The following PREX1 variants were observed in gnomAD, a reference collection of about 807,000 sequenced individuals.
PREX1 encodes phosphatidylinositol 3,4,5-trisphosphate-dependent Rac exchanger 1 protein.
A neutral mutation model predicts 198.3 loss-of-function variants in PREX1; 41 were observed. The observed-to-expected ratio is 0.21, with a 90% CI of 0.16 to 0.27. PREX1 has a LOEUF of 0.27. Ranked by LOEUF, PREX1 falls within the 10% of genes least tolerant of loss-of-function variation. The probability of loss-of-function intolerance (pLI) is 1.00; values close to 1 mark genes in which losing one functional copy is unlikely to be tolerated. For missense variants in PREX1, 1,620 were observed against 2,200.7 expected, an observed-to-expected ratio of 0.74 and a Z score of 5.28; for synonymous variants, 843 against 887.2, an observed-to-expected ratio of 0.95 and a Z score of 0.89.
At chr20:48,630,694 A>G (rs2089306805) in intron 36 of PREX1, 34 bp downstream of exon 36, 3 of 1,534,796 alleles carry the variant, frequency 2.0e-6, no homozygotes, top group Non-Finnish European at 2.7e-6. Flanking sequence ...CACCCTGCCC[A>G]AGCTCCCTGC....
intron 5 of PREX1, among the ~76,000 whole-genome samples, chr20:48,718,109 C>G (rs1260975865): frequency 6.6e-6 from 1 of 152,222 alleles, no homozygotes; most frequent in Non-Finnish European, 1.5e-5. Flanking sequence ...TCACTCGTTT[C>G]CTGCACGTGC....
chr20:48,631,456 G>T (rs557314951), intron 35 of PREX1, among the ~76,000 whole-genome samples: 1 of 152,164 alleles, frequency 6.6e-6, no homozygotes, highest in Non-Finnish European at 1.5e-5. Context: ...TGCCCGGCCC[G>T]CAGAAGGCCT....
intron 1 of PREX1, among the ~76,000 whole-genome samples, chr20:48,749,487 A>G (rs2122788383): frequency 6.6e-6 from 1 of 152,262 alleles, no homozygotes; most frequent in South Asian, 2.1e-4. Flanking sequence ...GATGGCGGGG[A>G]CAGCCCAAGA....
the PREX1 span, among the ~76,000 whole-genome samples, chr20:48,834,088 C>CA: frequency 0.035 from 4,462 of 129,138 alleles, 202 homozygotes; most frequent in African/African-American, 0.11. Context: ...GACTCAGTCT[C>CA]AAAAAAAAAA....
At position 48,676,179 on chromosome 20, in the gene PREX1, G is replaced by A. The variant is rs201564133; in HGVS notation, c.1665+14C>T. On this transcript the variant is annotated intron_variant, in intron 14 of 39. Transcript: ENST00000371941. ...AGCAGAACACTGGTCACACACCCCT[G>A]AGGAGGCCCTCACCTGAGCCAGCAG... is the stretch of plus-strand genomic sequence containing the variant. The A allele has an allele frequency of 5.3e-4, 854 of 1,611,476 alleles. 7 individuals carry two copies. Among genetic ancestry groups the A allele is most frequent in the Middle Eastern group, 1.6e-4 (1 of 6,078 alleles).
Position 48,625,778 on chromosome 20 carries a change from C to A in PREX1, c.*107G>T. On this transcript the variant is annotated 3_prime_UTR_variant, in exon 40 of 40. Coordinates refer to ENST00000371941, the MANE Select transcript of PREX1 (RefSeq NM_020820.4). ...GACGCTGGGCAGGTCCCGGAACGGG[C>A]GGCTGCGGAAGCCTTGGGCCATCCC... The A allele has an allele frequency of 7.7e-7, 1 of 1,298,538 alleles. No homozygotes were observed. Among genetic ancestry groups the A allele is most frequent in the East Asian group, 2.9e-5 (1 of 33,980 alleles). The allele number at this position is 1,298,538 out of a possible 1,614,324, so 80.4% of individuals were successfully genotyped here. A position where few individuals can be genotyped will look rare whatever the true frequency, so the allele number is the denominator to read the frequency against.
At position 48,784,480 on chromosome 20, in the gene PREX1, C is replaced by T. The variant is rs189423777; in HGVS notation, c.220-36600G>A. 5.6e-4 allele frequency among the ~76,000 whole-genome samples: 86 copies of T among 152,256 alleles called. No individual in the cohort carries two copies. The Middle Eastern group carries it at 0.014, about 24-fold the overall frequency. ...GAAGGACTCATCTAGACTCTACCCC[C>T]GCCACCCCACATTCTCAATATTGCT... On this transcript the variant is annotated intron_variant, in intron 1 of 39. Coordinates refer to ENST00000371941, the MANE Select transcript of PREX1 (RefSeq NM_020820.4).
intron 9 of PREX1, among the ~76,000 whole-genome samples, chr20:48,689,012 T>C (rs972895096): frequency 2.6e-5 from 4 of 152,146 alleles, no homozygotes; most frequent in Non-Finnish European, 5.9e-5. Context: ...AAAACAACCA[T>C]TTTACAGATG....
chr20:48,645,088 A>G (rs1205602527), intron 26 of PREX1, among the ~76,000 whole-genome samples: 4 of 152,252 alleles, frequency 2.6e-5, no homozygotes, highest in African/African-American at 7.2e-5. Flanking sequence ...GTGCCGCAGC[A>G]GCCAGATACA....
chr20:48,698,038 C>T (rs1171271011), intron 7 of PREX1, among the ~76,000 whole-genome samples: 1 of 152,224 alleles, frequency 6.6e-6, no homozygotes, highest in Non-Finnish European at 1.5e-5. Context: ...TGCCCAATCT[C>T]CTGGGCCTCT....
intron 38 of PREX1, 95 bp downstream of exon 38, chr20:48,627,766 G>A (rs2089284335): frequency 7.8e-6 from 11 of 1,403,350 alleles, no homozygotes; most frequent in Non-Finnish European, 9.8e-6. Flanking sequence ...CAGGTCTGGG[G>A]CTGGTGGCTA....
rs2089641552 is a variant in PREX1 at position 48,666,507 on chromosome 20, T to C, written c.1666-152A>G. The stretch of plus-strand genomic sequence containing the variant: ...TACTGCAGTAACCCCAAAACGGGTT[T>C]GTGATTATTATTTTTTATTATTATT... On this transcript the variant is annotated intron_variant, in intron 14 of 39. Coordinates refer to ENST00000371941, the MANE Select transcript of PREX1 (RefSeq NM_020820.4). This position sits in a 1 kb window ranked among gnomAD's most constrained non-coding sequence, Gnocchi z 4.3. The C allele has an allele frequency of 3.9e-6, 2 of 509,920 alleles. No individual in the cohort carries two copies. The highest frequency in any genetic ancestry group is 3.6e-5 in the Admixed American group (1 of 27,764). 31.6% of individuals were successfully genotyped at this position (509,920 alleles called of 1,614,324 possible).
intron 5 of PREX1, among the ~76,000 whole-genome samples, chr20:48,710,823 A>G (rs1173844950): frequency 6.6e-6 from 1 of 152,230 alleles, no homozygotes; most frequent in African/African-American, 2.4e-5. Flanking sequence ...CAGGAAGGAG[A>G]AGAGCACGTG....
At chr20:48,640,824 T>C (rs1347832376) in intron 29 of PREX1, among the ~76,000 whole-genome samples, 1 of 142,198 alleles carries the variant, frequency 7.0e-6, no homozygotes, top group Non-Finnish European at 1.5e-5. Flanking sequence ...GAAGGATGGA[T>C]GGATGGACAG....
At chr20:48,887,930 A>T in the PREX1 span, among the ~76,000 whole-genome samples, 235 of 152,240 alleles carry the variant, frequency 1.5e-3, 2 homozygotes, top group African/African-American at 4.2e-3. Flanking sequence ...AGCCTGGGCG[A>T]CAGAGTGAGA....
rs978479573 is a variant in PREX1, at chr20:48,691,201, T to G, written c.1037-105A>C. On this transcript the variant is annotated intron_variant, in intron 8 of 39. Transcript: ENST00000371941. The surrounding 1 kb of genome is among the most constrained non-coding windows in gnomAD (Gnocchi z 5.0). ...CCCCAGCACAGGCAGGGCCCTCGCC[T>G]GGATCAGGATGGGGAGCTGGACTTC... The G allele has an allele frequency of 1.4e-6, 2 of 1,405,448 alleles. No homozygotes were observed. Among genetic ancestry groups the G allele is most frequent in the Non-Finnish European group, 2.0e-6 (2 of 1,006,962 alleles). 87.1% of individuals were successfully genotyped at this position (1,405,448 alleles called of 1,614,324 possible).
intron 17 of PREX1, among the ~76,000 whole-genome samples, chr20:48,657,514 G>T (rs2089554521): frequency 6.6e-6 from 1 of 152,248 alleles, no homozygotes; most frequent in South Asian, 2.1e-4. Flanking sequence ...GCCTGGCGAA[G>T]AAAGATGAAG....
At chr20:48,869,607 A>G in the PREX1 span, among the ~76,000 whole-genome samples, 7 of 152,342 alleles carry the variant, frequency 4.6e-5, no homozygotes, top group South Asian at 1.0e-3. Context: ...ATGTCCATCA[A>G]TGATAGATAG....
chr20:48,886,286 C>T, the PREX1 span, among the ~76,000 whole-genome samples: 2,048 of 152,266 alleles, frequency 0.013, 55 homozygotes, highest in African/African-American at 0.047. Context: ...TGGAAGCCTC[C>T]GTGGTAAGGC....
Sources: gnomAD v4.1 joint callset for allele counts (sites outside exome capture counted in the v4.1 genomes callset) on GRCh38, gnomAD v4.1.1 for gene constraint, Gnocchi (gnomAD v3.1) non-coding constraint, MANE v1.5 for transcripts, NCBI Gene and HGNC (gene_info 2026-07-23, HGNC 2026-07-21) for gene names.